Variants in ELL2 observed in about 807,000 individuals in gnomAD.
ELL2 encodes elongation factor for RNA polymerase II 2, also known as RNA polymerase II elongation factor ELL2.
A neutral mutation model predicts 72.8 loss-of-function variants in ELL2; 21 were observed. The observed-to-expected ratio is 0.29, with a 90% CI of 0.20 to 0.42. ELL2 has a LOEUF of 0.42. Among genes scored for constraint, ELL2 ranks in the 10% least tolerant of loss-of-function variants. ELL2 has a pLI of 1.00. For missense variants in ELL2, 568 were observed against 772.8 expected, an observed-to-expected ratio of 0.73 and a Z score of 3.14; for synonymous variants, 266 against 283.2, an observed-to-expected ratio of 0.94 and a Z score of 0.61.
At chr5:95,890,060 A>T (rs534124988) in intron 10 of ELL2, among the ~76,000 whole-genome samples, 3 of 152,354 alleles carry the variant, frequency 2.0e-5, no homozygotes, top group African/African-American at 7.2e-5. Flanking sequence ...AACTTGCCCA[A>T]GGCCACACAA....
intron 2 of ELL2, among the ~76,000 whole-genome samples, chr5:95,939,594 A>C (rs1328883944): frequency 6.6e-6 from 1 of 152,114 alleles, no homozygotes; most frequent in Non-Finnish European, 1.5e-5. Context: ...TCTCCCTAGC[A>C]GTGTGAAGAA....
intron 1 of ELL2, among the ~76,000 whole-genome samples, chr5:95,948,612 T>C (rs1410616572): frequency 6.6e-6 from 1 of 152,180 alleles, no homozygotes; most frequent in African/African-American, 2.4e-5. Context: ...AGCCTAAGTT[T>C]AATTGTATAA....
intron 9 of ELL2, 21 bp downstream of exon 9, chr5:95,895,607 T>A (rs186261874): frequency 6.2e-7 from 1 of 1,609,072 alleles, no homozygotes; most frequent in South Asian, 1.1e-5. Context: ...GCTCTCTCCA[T>A]TGGCAGACAT....
In ELL2 at chr5:95,888,778, A is replaced by AT; in HGVS notation, c.*92_*93insA. On this transcript the variant is annotated 3_prime_UTR_variant, in exon 12 of 12. Transcript: ENST00000237853. ...ACTAATACTGAAACTTTCAACAGCCAAAGTTTCACCTTTTTAGAATCTAGA... is the reference window on the plus strand; with the variant it reads ...ACTAATACTGAAACTTTCAACAGCCATAAGTTTCACCTTTTTAGAATCTAGA... The AT allele has an allele frequency of 1.1e-6, 1 of 889,684 alleles. No individual in the cohort carries two copies. Among genetic ancestry groups the AT allele is most frequent in the Admixed American group, 3.0e-5 (1 of 33,884 alleles). 55.1% of individuals were successfully genotyped at this position (889,684 alleles called of 1,614,324 possible). A position where few individuals can be genotyped will look rare whatever the true frequency, so the allele number is the denominator to read the frequency against.
chr5:95,893,677 G>A (rs949172712), intron 9 of ELL2, among the ~76,000 whole-genome samples: 33 of 152,114 alleles, frequency 2.2e-4, no homozygotes, highest in African/African-American at 6.5e-4. Context: ...GAGCCACCGC[G>A]CCCGGCCTCG....
chr5:95,902,543 A>G (rs1749181903), intron 5 of ELL2, among the ~76,000 whole-genome samples: 1 of 152,330 alleles, frequency 6.6e-6, no homozygotes, highest in East Asian at 1.9e-4. Flanking sequence ...ATGACTTCCT[A>G]CTGGAATAGA....
In ELL2 at chr5:95,885,250, T is replaced by C. The variant is rs1225182780; in HGVS notation, c.*3621A>G. 6.6e-6 allele frequency: 1 copy of C among 152,180 alleles called. No homozygotes were observed. The highest frequency in any genetic ancestry group is 2.4e-5 in the African/African-American group (1 of 41,446). 9.4% of individuals were successfully genotyped at this position (152,180 alleles called of 1,614,324 possible). ...TGGAACAGCTGAGAAACAGCATATA[T>C]ATATTTTAACACCTCAAAATAGTTT... On this transcript the variant is annotated 3_prime_UTR_variant, in exon 12 of 12. Coordinates refer to ENST00000237853, the MANE Select transcript of ELL2 (RefSeq NM_012081.6).
chr5:95,945,106 T>G (rs1465520864), intron 1 of ELL2, among the ~76,000 whole-genome samples: 1 of 152,184 alleles, frequency 6.6e-6, no homozygotes, highest in Non-Finnish European at 1.5e-5. Flanking sequence ...CACCTCTGCA[T>G]AGCCTGCTAC....
intron 2 of ELL2, among the ~76,000 whole-genome samples, chr5:95,920,802 G>C (rs1781380807): frequency 6.6e-6 from 1 of 152,122 alleles, no homozygotes; most frequent in Non-Finnish European, 1.5e-5. Context: ...TGACTTAACC[G>C]AACTTCAGCT....
intron 3 of ELL2, among the ~76,000 whole-genome samples, chr5:95,915,130 G>C (rs1297848621): frequency 6.6e-6 from 1 of 152,092 alleles, no homozygotes; most frequent in Non-Finnish European, 1.5e-5. Flanking sequence ...TTGAGATGGA[G>C]TCTCGCTCTG....
At position 95,897,873 on chromosome 5, in the gene ELL2, T is replaced by C. The variant is rs563096585; in HGVS notation, c.1525+367A>G. ...AGAAAGAAGGAAATGAATATTCTTA[T>C]TGCAAATTGTGTCTGATTAAATCAG... On this transcript the variant is annotated intron_variant, in intron 8 of 11. Coordinates refer to ENST00000237853, the MANE Select transcript of ELL2 (RefSeq NM_012081.6). Among the ~76,000 whole-genome samples the C allele has an allele frequency of 7.2e-4, 110 of 152,294 alleles. No homozygotes were observed. In the Middle Eastern group the frequency reaches 0.014, roughly 19 times the overall value.
At chr5:95,933,097 T>G (rs1750653841) in intron 2 of ELL2, among the ~76,000 whole-genome samples, 1 of 152,222 alleles carries the variant, frequency 6.6e-6, no homozygotes. Flanking sequence ...TATCAAATGA[T>G]TAATTTTGAA....
Position 95,961,753 on chromosome 5 carries a change from C to A in ELL2, c.-32G>T. The A allele has an allele frequency of 6.4e-7, 1 of 1,571,100 alleles. No homozygotes were observed. The highest frequency in any genetic ancestry group is 2.4e-5 in the East Asian group (1 of 42,076). Reference sequence around the variant, plus strand: ...CTCCCCGGGGTGCCGCCGCCGCCGCCGCTCCGGCTCTAGCCTCCACTGCGG... The same window carrying A: ...CTCCCCGGGGTGCCGCCGCCGCCGCAGCTCCGGCTCTAGCCTCCACTGCGG... On this transcript the variant is annotated 5_prime_UTR_variant, in exon 1 of 12. Coordinates refer to ENST00000237853, the MANE Select transcript of ELL2 (RefSeq NM_012081.6).
intron 2 of ELL2, among the ~76,000 whole-genome samples, chr5:95,921,330 T>C (rs1667665824): frequency 6.6e-6 from 1 of 152,232 alleles, no homozygotes; most frequent in Non-Finnish European, 1.5e-5. Context: ...TAGATAATAC[T>C]CCATAGAGCC....
chr5:95,907,296 A>ATATATATATATTTTTTTT, intron 4 of ELL2, among the ~76,000 whole-genome samples: 34 of 116,482 alleles, frequency 2.9e-4, no homozygotes, highest in African/African-American at 4.5e-4. Flanking sequence ...ATATATATAT[A>ATATATATATATTTTTTTT]TTTTTTTTTT....
chr5:95,906,427 A>G (rs1749361978), intron 5 of ELL2, 96 bp downstream of exon 5: 3 of 1,326,126 alleles, frequency 2.3e-6, no homozygotes, highest in South Asian at 1.6e-5. Context: ...AAATTTCTCT[A>G]TCTCAATAAT....
intron 2 of ELL2, among the ~76,000 whole-genome samples, chr5:95,930,839 T>C (rs911024257): frequency 6.6e-6 from 1 of 152,194 alleles, no homozygotes; most frequent in African/African-American, 2.4e-5. Context: ...TTTTAATTAA[T>C]TAAATTGTAG....
chr5:95,955,937 G>T (rs77377735), intron 1 of ELL2, among the ~76,000 whole-genome samples: 1,976 of 151,946 alleles, frequency 0.013, 40 homozygotes, highest in African/African-American at 0.044. Context: ...AAGTGACCTA[G>T]CCTTAGTTCA....
chr5:95,957,714 G>A (rs1202756735), intron 1 of ELL2, among the ~76,000 whole-genome samples: 7 of 152,106 alleles, frequency 4.6e-5, no homozygotes, highest in Non-Finnish European at 1.0e-4. Flanking sequence ...TAGGGAACCT[G>A]AATAATGAAG....
Sources: allele counts gnomAD v4.1 joint callset (sites outside exome capture counted in the v4.1 genomes callset), GRCh38; gene constraint gnomAD v4.1.1; transcripts MANE v1.5; gene names NCBI Gene and HGNC (gene_info 2026-07-23, HGNC 2026-07-21).